Variants in BANP observed in about 807,000 individuals in gnomAD.
The protein encoded by BANP is protein BANP.
In BANP, 11 loss-of-function variants were observed where a neutral mutation model predicts 68.1. The ratio of observed to expected loss-of-function variants is 0.16; its 90% CI spans 0.10 to 0.27. BANP has a LOEUF of 0.27. Ranked by LOEUF, BANP falls within the 10% of genes least tolerant of loss-of-function variation. The pLI is 1.00. For synonymous variants in BANP, 329 were observed against 303.2 expected (o/e 1.09, Z -0.88); for missense variants, 504 against 722.7 (o/e 0.70, Z 3.47).
Position 88,036,331 on chromosome 16 carries a change from GTCAA to G in BANP, c.1272+938_1272+941del, listed in dbSNP as rs2079350129. On this transcript the variant is annotated intron_variant, in intron 10 of 13. Transcript: ENST00000682872. This position sits in a 1 kb window ranked among gnomAD's most constrained non-coding sequence, Gnocchi z 4.2. Reference sequence around the variant, plus strand: ...GAGACTAGGAAGCCCGGGTGCTGAGGTCAAGGGGACTCATGGAGATGTTGGCGTG... The same window carrying G: ...GAGACTAGGAAGCCCGGGTGCTGAGGGGGGACTCATGGAGATGTTGGCGTG... Among the ~76,000 whole-genome samples, 13 of 152,328 alleles carry G rather than the reference GTCAA, an allele frequency of 8.5e-5. No individual in the cohort carries two copies. In the South Asian group the frequency reaches 2.7e-3, roughly 32 times the overall value.
chr16:87,963,180 G>T (rs191539926), intron 1 of BANP, among the ~76,000 whole-genome samples: 105 of 152,242 alleles, frequency 6.9e-4, no homozygotes, highest in Admixed American at 2.6e-3. Context: ...GCGCCAGGAC[G>T]ATCTGGGGAT....
chr16:88,016,619 C>T lies in BANP; in HGVS notation c.656-1809C>T, dbSNP rs143946872. On this transcript the variant is annotated intron_variant, in intron 6 of 13. Transcript: ENST00000682872. Reference sequence around the variant, plus strand: ...TCCCGTAAGGATTCGTAGATACATTCGTAGAATCCCCGGAAGCTGGAGTCT... The same window carrying T: ...TCCCGTAAGGATTCGTAGATACATTTGTAGAATCCCCGGAAGCTGGAGTCT... Among the ~76,000 whole-genome samples the T allele has an allele frequency of 3.3e-4, 50 of 152,358 alleles. 1 individual carries two copies. The East Asian group carries it at 8.3e-3, about 25-fold the overall frequency.
chr16:87,957,928 G>A lies in BANP; in HGVS notation c.-69+6413G>A, dbSNP rs2058418495. Among the ~76,000 whole-genome samples the A allele has an allele frequency of 6.6e-6, 1 of 152,146 alleles. No individual in the cohort carries two copies. Among genetic ancestry groups the A allele is most frequent in the Admixed American group, 6.5e-5 (1 of 15,278 alleles). On this transcript the variant is annotated intron_variant, in intron 1 of 13. Coordinates refer to ENST00000682872, the MANE Select transcript of BANP (RefSeq NM_001386991.1). The surrounding 1 kb of genome is among the most constrained non-coding windows in gnomAD (Gnocchi z 4.3). ...GAGCTCAGCTCTTGTGTCGGTGGGAGCTGGCGGTGGGTCCCTGAGCAGAGT... is the reference window on the plus strand; with the variant it reads ...GAGCTCAGCTCTTGTGTCGGTGGGAACTGGCGGTGGGTCCCTGAGCAGAGT...
chr16:87,966,425 AT>A (rs2060032534), intron 1 of BANP, among the ~76,000 whole-genome samples: 1 of 152,162 alleles, frequency 6.6e-6, no homozygotes, highest in African/African-American at 2.4e-5. Flanking sequence ...GGCAAATTTA[AT>A]TTGCCAAAAT....
intron 11 of BANP, among the ~76,000 whole-genome samples, chr16:88,054,846 C>A (rs2084578855): frequency 6.6e-6 from 1 of 152,160 alleles, no homozygotes; most frequent in African/African-American, 2.4e-5. Flanking sequence ...CAGGATAAAG[C>A]CTTCACAGTG....
rs945004379 is a variant in BANP, at chr16:88,003,314, C to G, written c.363-981C>G. ...AGCATGGCGTGGTGCTGTGCTGGCA[C>G]TCAATGTGGGGACAGTTACAGTGAT... On this transcript the variant is annotated intron_variant, in intron 4 of 13. Coordinates refer to ENST00000682872, the MANE Select transcript of BANP (RefSeq NM_001386991.1). The surrounding 1 kb of genome is among the most constrained non-coding windows in gnomAD (Gnocchi z 6.1). Among the ~76,000 whole-genome samples the G allele has an allele frequency of 4.6e-5, 7 of 152,198 alleles. No individual in the cohort carries two copies. The highest frequency in any genetic ancestry group is 1.7e-4 in the African/African-American group (7 of 41,448).
chr16:87,962,682 C>T (rs1474401706), intron 1 of BANP, among the ~76,000 whole-genome samples: 1 of 152,198 alleles, frequency 6.6e-6, no homozygotes, highest in East Asian at 1.9e-4. Context: ...TTTGGGGGGC[C>T]ATCTTAAAGA....
At chr16:87,986,886 C>G (rs1245008631) in intron 4 of BANP, among the ~76,000 whole-genome samples, 1 of 152,130 alleles carries the variant, frequency 6.6e-6, no homozygotes, top group Non-Finnish European at 1.5e-5. Context: ...AAGGCAAAAT[C>G]AACCTATTGT....
chr16:87,989,060 TG>T (rs2065205169), intron 4 of BANP, among the ~76,000 whole-genome samples: 1 of 152,190 alleles, frequency 6.6e-6, no homozygotes, highest in South Asian at 2.1e-4. Context: ...TCCAGGTTTT[TG>T]GGTTCTACAC....
chr16:88,001,226 G>A (rs1274570520), intron 4 of BANP, among the ~76,000 whole-genome samples: 1 of 120,982 alleles, frequency 8.3e-6, no homozygotes, highest in African/African-American at 3.6e-5. Flanking sequence ...ACCCAGACAC[G>A]TCTCCATGCA....
chr16:88,003,688 T>C lies in BANP; in HGVS notation c.363-607T>C, dbSNP rs2070107820. ...ATGGTCTGTTCTTTTGTAGAATCTT[T>C]TCCTTCAAAGCAGAACCCTGAGCCC... On this transcript the variant is annotated intron_variant, in intron 4 of 13. Transcript: ENST00000682872. The surrounding 1 kb of genome is among the most constrained non-coding windows in gnomAD (Gnocchi z 6.1). The C allele has an allele frequency of 2.8e-6, 1 of 359,142 alleles. No homozygotes were observed. The highest frequency in any genetic ancestry group is 7.6e-5 in the East Asian group (1 of 13,092). 22.2% of individuals were successfully genotyped at this position (359,142 alleles called of 1,614,324 possible). A position where few individuals can be genotyped will look rare whatever the true frequency, so the allele number is the denominator to read the frequency against.
At position 87,957,960 on chromosome 16, in the gene BANP, G is replaced by A. The variant is rs956858061; in HGVS notation, c.-69+6445G>A. On this transcript the variant is annotated intron_variant, in intron 1 of 13. Transcript: ENST00000682872. This position sits in a 1 kb window ranked among gnomAD's most constrained non-coding sequence, Gnocchi z 4.3. The stretch of plus-strand genomic sequence containing the variant: ...GTGGGTCCCTGAGCAGAGTGCTGCC[G>A]CTGCCAGTCTGCGTTTTCTGCCGAA... 5.9e-5 allele frequency among the ~76,000 whole-genome samples: 9 copies of A among 152,278 alleles called. No individual in the cohort carries two copies. The highest frequency in any genetic ancestry group is 3.9e-4 in the East Asian group (2 of 5,180).
At chr16:88,030,124 A>T (rs1160622384) in intron 8 of BANP, among the ~76,000 whole-genome samples, 1 of 152,246 alleles carries the variant, frequency 6.6e-6, no homozygotes, top group African/African-American at 2.4e-5. Flanking sequence ...ACATTGAACC[A>T]CAAGTAACAA....
intron 11 of BANP, among the ~76,000 whole-genome samples, chr16:88,055,381 G>T (rs1016119148): frequency 7.2e-5 from 11 of 152,120 alleles, no homozygotes; most frequent in African/African-American, 2.7e-4. Flanking sequence ...GATCCAGGGC[G>T]TTCCCACTGT....
chr16:88,063,396 G>A (rs1225953209), intron 11 of BANP, among the ~76,000 whole-genome samples: 1 of 152,174 alleles, frequency 6.6e-6, no homozygotes, highest in Non-Finnish European at 1.5e-5. Context: ...CAGCGCCCTT[G>A]CTTAGTTAAT....
chr16:87,955,839 G>A (rs533689601), intron 1 of BANP, among the ~76,000 whole-genome samples: 1 of 152,292 alleles, frequency 6.6e-6, no homozygotes, highest in South Asian at 2.1e-4. Context: ...CAGAAATGCA[G>A]TCTCATCATG....
chr16:87,961,280 C>CT (rs1218785271), intron 1 of BANP, among the ~76,000 whole-genome samples: 1 of 152,210 alleles, frequency 6.6e-6, no homozygotes, highest in Non-Finnish European at 1.5e-5. Flanking sequence ...TATTAAGATA[C>CT]TTTTCCCTTG....
chr16:87,958,771 G>A (rs2058580870), intron 1 of BANP, among the ~76,000 whole-genome samples: 1 of 152,210 alleles, frequency 6.6e-6, no homozygotes, highest in South Asian at 2.1e-4. Context: ...TGAACATGTG[G>A]CTTCTCATCC....
rs1015071923 is a variant in BANP at position 87,957,213 on chromosome 16, G to A, written c.-69+5698G>A. On this transcript the variant is annotated intron_variant, in intron 1 of 13. Coordinates refer to ENST00000682872, the MANE Select transcript of BANP (RefSeq NM_001386991.1). The surrounding 1 kb of genome is among the most constrained non-coding windows in gnomAD (Gnocchi z 4.3). Reference sequence around the variant, plus strand: ...GTGTCTCTCTGGGGAAGGGGTCAGTGGTGGTGGAGGATGGCGCGGTGCTCC... The same window carrying A: ...GTGTCTCTCTGGGGAAGGGGTCAGTAGTGGTGGAGGATGGCGCGGTGCTCC... 2 of 152,312 alleles carry A rather than the reference G, an allele frequency of 1.3e-5. No individual in the cohort carries two copies. Among genetic ancestry groups the A allele is most frequent in the African/African-American group, 4.8e-5 (2 of 41,464 alleles). 9.4% of individuals were successfully genotyped at this position (152,312 alleles called of 1,614,324 possible).
Sources: gnomAD v4.1 joint callset for allele counts (sites outside exome capture counted in the v4.1 genomes callset) on GRCh38, gnomAD v4.1.1 for gene constraint, Gnocchi (gnomAD v3.1) non-coding constraint, MANE v1.5 for transcripts, NCBI Gene and HGNC (gene_info 2026-07-23, HGNC 2026-07-21) for gene names.